RUFY4: variants seen among roughly 807,000 people sequenced by gnomAD.
The protein encoded by RUFY4 is RUN and FYVE domain-containing protein 4.
A neutral mutation model predicts 69.0 loss-of-function variants in RUFY4; 73 were observed. The ratio of observed to expected loss-of-function variants is 1.06; its 90% CI spans 0.88 to 1.29. RUFY4 has a LOEUF of 1.29. Among genes scored for constraint, RUFY4 ranks in the 50% most tolerant of loss-of-function variants. The probability of loss-of-function intolerance (pLI) is 0.00; values close to 1 mark genes in which losing one functional copy is unlikely to be tolerated. For missense variants in RUFY4, 770 were observed against 705.6 expected (o/e 1.09, Z -1.03); for synonymous variants, 287 against 271.8 (o/e 1.06, Z -0.55).
intron 2 of RUFY4, 107 bp downstream of exon 4, chr2:218,070,966 A>C: frequency 1.3e-6 from 1 of 787,582 alleles, no homozygotes; most frequent in Non-Finnish European, 2.0e-6. Context: ...CTTACCATGC[A>C]CTGTGTCATC....
At chr2:218,049,706 C>G (rs1282723338) in intron 2 of RUFY4, among the ~76,000 whole-genome samples, 1 of 152,092 alleles carries the variant, frequency 6.6e-6, no homozygotes, top group Non-Finnish European at 1.5e-5. Context: ...CGGGGTTTCT[C>G]CCTGTTGGTC....
At chr2:218,060,782 G>A (rs2106037626) in intron 3 of RUFY4, 1 of 1,575,996 alleles carries the variant, frequency 6.3e-7, no homozygotes, top group Non-Finnish European at 8.7e-7. Flanking sequence ...ACTGGGGCAG[G>A]ATCCGTAACA....
At chr2:218,040,963 C>G (rs1688679026) in intron 2 of RUFY4, among the ~76,000 whole-genome samples, 1 of 151,760 alleles carries the variant, frequency 6.6e-6, no homozygotes, top group Non-Finnish European at 1.5e-5. Flanking sequence ...TGCTGGATGT[C>G]CTTACAACCA....
upstream of RUFY4, among the ~76,000 whole-genome samples, chr2:218,069,935 G>C (rs56246472): frequency 6.6e-6 from 1 of 151,928 alleles, no homozygotes; most frequent in Non-Finnish European, 1.5e-5. Context: ...ACAACCAGGC[G>C]CCCTGCTCCC....
intron 3 of RUFY4, chr2:218,060,079 T>G: frequency 7.3e-6 from 2 of 274,200 alleles, no homozygotes; most frequent in Admixed American, 5.2e-5. Context: ...TCTTAGAACA[T>G]AGAGTGCCAT....
At position 218,060,318 on chromosome 2, in the gene RUFY4, A is replaced by G. The variant is rs1415441290; in HGVS notation, c.-1071+1637A>G. On this transcript the variant is annotated intron_variant and NMD_transcript_variant, in intron 3 of 13. Coordinates refer to the RUFY4 transcript ENST00000457754. Reference sequence around the variant, plus strand: ...GAAGAGAAGGGAGGAACCCCACGGGACTGCACTTAGGCAAGAGGTCTTAGA... The same window carrying G: ...GAAGAGAAGGGAGGAACCCCACGGGGCTGCACTTAGGCAAGAGGTCTTAGA... 1.1e-5 allele frequency: 17 copies of G among 1,517,012 alleles called. No homozygotes were observed. The East Asian group carries it at 1.4e-4, about 12-fold the overall frequency. 94.0% of individuals were successfully genotyped at this position (1,517,012 alleles called of 1,614,324 possible).
At chr2:218,078,944 C>T (rs376344088) in intron 8 of RUFY4, among the ~76,000 whole-genome samples, 27 of 152,048 alleles carry the variant, frequency 1.8e-4, no homozygotes, top group Non-Finnish European at 2.4e-4. Context: ...CTCGGCTCAC[C>T]GCAACCTCCG....
chr2:218,089,357 A>G (rs767956716), exon 10 of RUFY4: 2 of 1,613,568 alleles, frequency 1.2e-6, no homozygotes, highest in East Asian at 4.5e-5. Flanking sequence ...GGCGGTATCC[A>G]TGCAGGTAAA....
intron 3 of RUFY4, 71 bp downstream of exon 5, chr2:218,072,570 C>G (rs1689514574): frequency 6.6e-7 from 1 of 1,513,412 alleles, no homozygotes; most frequent in East Asian, 2.5e-5. Context: ...TTTCCCCCAC[C>G]CTGCTCTACC....
chr2:218,039,485 A>G (rs1959029274), intron 2 of RUFY4, among the ~76,000 whole-genome samples: 1 of 152,222 alleles, frequency 6.6e-6, no homozygotes, highest in Non-Finnish European at 1.5e-5. Context: ...GAACACAAAG[A>G]TGAATGGAAG....
intron 3 of RUFY4, chr2:218,060,323 A>C (rs1689152004): frequency 6.6e-7 from 1 of 1,520,400 alleles, no homozygotes; most frequent in Admixed American, 2.2e-5. Context: ...ACGGGACTGC[A>C]CTTAGGCAAG....
At chr2:218,041,133 A>G (rs57171294) in intron 2 of RUFY4, among the ~76,000 whole-genome samples, 35,458 of 151,884 alleles carry the variant, frequency 0.23, 5,289 homozygotes, top group East Asian at 0.41. Context: ...ATCAGTCCCA[A>G]TGTCTCCCTC....
chr2:218,058,149 A>G (rs920191099), intron 2 of RUFY4, among the ~76,000 whole-genome samples: 3 of 152,210 alleles, frequency 2.0e-5, no homozygotes, highest in Non-Finnish European at 4.4e-5. Flanking sequence ...AATCTGGTGA[A>G]TTCTCACTCC....
intron 8 of RUFY4, among the ~76,000 whole-genome samples, 155 bp from the exon 11 acceptor site, chr2:218,082,955 C>G (rs116074928): frequency 0.14 from 25 of 178 alleles, no homozygotes; most frequent in East Asian, 0.5. Context: ...CATGTGTGTG[C>G]TGTGTGTGTG....
At chr2:218,052,843 T>C (rs1026242277) in intron 2 of RUFY4, among the ~76,000 whole-genome samples, 2 of 151,834 alleles carry the variant, frequency 1.3e-5, no homozygotes, top group Non-Finnish European at 2.9e-5. Context: ...CTAAGGTTTT[T>C]TTTTTCTCTC....
chr2:218,076,775 G>A (rs963897245), intron 8 of RUFY4, among the ~76,000 whole-genome samples: 17 of 152,138 alleles, frequency 1.1e-4, no homozygotes, highest in African/African-American at 1.7e-4. Flanking sequence ...GAAAGGCCCC[G>A]CCTCCTGGCC....
intron 9 of RUFY4, among the ~76,000 whole-genome samples, chr2:218,087,208 A>G (rs1689915522): frequency 2.0e-5 from 3 of 152,180 alleles, no homozygotes; most frequent in Non-Finnish European, 4.4e-5. Context: ...ATGTTCTATA[A>G]AGGTTGTATA....
exon 11 of RUFY4, chr2:218,090,254 A>G (rs1019208903): frequency 1.7e-4 from 62 of 365,384 alleles, no homozygotes; most frequent in African/African-American, 1.1e-3. Flanking sequence ...ACAACGAGCC[A>G]GGTGACTTTG....
intron 2 of RUFY4, among the ~76,000 whole-genome samples, chr2:218,054,110 C>T (rs1689006661): frequency 1.3e-5 from 2 of 152,198 alleles, no homozygotes; most frequent in South Asian, 4.1e-4. Flanking sequence ...GACAGAATTC[C>T]TTTTCAAAAG....
Sources: allele counts gnomAD v4.1 joint callset (sites outside exome capture counted in the v4.1 genomes callset), GRCh38; gene constraint gnomAD v4.1.1; transcripts MANE v1.5; gene names NCBI Gene and HGNC (gene_info 2026-07-23, HGNC 2026-07-21).